Variants in PALM observed in about 807,000 individuals in gnomAD.
The protein encoded by PALM is paralemmin-1.
A neutral mutation model predicts 30.7 loss-of-function variants in PALM; 18 were observed. The ratio of observed to expected loss-of-function variants is 0.59; its 90% CI spans 0.41 to 0.87. The LOEUF (loss-of-function observed/expected upper bound fraction) is 0.87. Ranked by LOEUF, PALM falls within the 40% of genes least tolerant of loss-of-function variation. PALM has a pLI of 0.00. For missense variants in PALM, 529 were observed against 555.4 expected, an observed-to-expected ratio of 0.95 and a Z score of 0.48; for synonymous variants, 286 against 242.8, an observed-to-expected ratio of 1.18 and a Z score of -1.66.
At chr19:744,699 G>C (rs1444448249) in intron 8 of PALM, among the ~76,000 whole-genome samples, 1 of 151,986 alleles carries the variant, frequency 6.6e-6, no homozygotes, top group African/African-American at 2.4e-5. Context: ...TTCAAGACCA[G>C]CCTGGCCAAC....
chr19:726,969 C>A (rs2032685733), intron 2 of PALM, 39 bp from the exon 3 acceptor site: 3 of 1,231,702 alleles, frequency 2.4e-6, no homozygotes, highest in African/African-American at 1.5e-5. Context: ...CTCCGGGACC[C>A]CCACGCCCAT....
rs988354927 is a variant in PALM at position 711,205 on chromosome 19, A to C, written c.5+2054A>C. The C allele has an allele frequency of 2.5e-5, 25 of 984,062 alleles. No homozygotes were observed. The African/African-American group carries it at 4.4e-4, about 17-fold the overall frequency. 61.0% of individuals were successfully genotyped at this position (984,062 alleles called of 1,614,324 possible). Reference sequence around the variant, plus strand: ...CAGGGCCGATGCTGCCAAGGTGAGGAGAACGTCCAGGAAGGAGCTGGGGAG... The same window carrying C: ...CAGGGCCGATGCTGCCAAGGTGAGGCGAACGTCCAGGAAGGAGCTGGGGAG... On this transcript the variant is annotated intron_variant, in intron 1 of 8. Coordinates refer to ENST00000338448, the MANE Select transcript of PALM (RefSeq NM_002579.3).
At position 746,472 on chromosome 19, in the gene PALM, C is replaced by T. The variant is rs748378460; in HGVS notation, c.822C>T (p.Thr274=). The change falls in exon 9 of 9, where the codon ACC becomes ACT. Residue 274 remains threonine, a synonymous_variant. Coordinates refer to ENST00000338448, the MANE Select transcript of PALM (RefSeq NM_002579.3). This position sits in a 1 kb window ranked among gnomAD's most constrained non-coding sequence, Gnocchi z 7.1. ...ARTTPSRREI[T]GVQAQPGEAT... ...CCACGCCCTCCCGGCGGGAGATCAC[C>T]GGTGTGCAGGCACAGCCAGGCGAGG... 3.2e-5 allele frequency: 51 copies of T among 1,610,006 alleles called. No homozygotes were observed. Among genetic ancestry groups the T allele is most frequent in the Middle Eastern group, 1.7e-4 (1 of 6,044 alleles).
intron 1 of PALM, among the ~76,000 whole-genome samples, chr19:724,761 C>G (rs1437953106): frequency 6.6e-6 from 1 of 151,998 alleles, no homozygotes; most frequent in Non-Finnish European, 1.5e-5. Flanking sequence ...GGACTACAGG[C>G]GCACACCACC....
intron 8 of PALM, among the ~76,000 whole-genome samples, chr19:741,719 G>C (rs908384428): frequency 6.6e-6 from 1 of 152,040 alleles, no homozygotes; most frequent in Non-Finnish European, 1.5e-5. Flanking sequence ...CGGTGCTGAG[G>C]TCTAATTTGG....
At chr19:714,228 C>A (rs533180107) in intron 1 of PALM, among the ~76,000 whole-genome samples, 1 of 147,938 alleles carries the variant, frequency 6.8e-6, no homozygotes, top group Non-Finnish European at 1.5e-5. Context: ...TTAGTAGAGA[C>A]AGAGTTTCAC....
intron 4 of PALM, among the ~76,000 whole-genome samples, chr19:730,658 C>T (rs891628321): frequency 2.0e-5 from 3 of 152,142 alleles, no homozygotes; most frequent in African/African-American, 7.2e-5. Context: ...CAGTTTCCCC[C>T]ATCATGAAAG....
At chr19:736,446 C>T (rs2033027024) in intron 7 of PALM, among the ~76,000 whole-genome samples, 2 of 152,178 alleles carry the variant, frequency 1.3e-5, no homozygotes, top group African/African-American at 4.8e-5. Flanking sequence ...TTACCTGCTC[C>T]AGTCCTCGGG....
At chr19:741,564 C>G (rs1351047918) in intron 8 of PALM, among the ~76,000 whole-genome samples, 2 of 148,422 alleles carry the variant, frequency 1.3e-5, no homozygotes, top group Non-Finnish European at 3.0e-5. Context: ...AGACGGGCTG[C>G]AGGGGTGAGG....
At chr19:744,904 G>A (rs2033294890) in intron 8 of PALM, among the ~76,000 whole-genome samples, 1 of 145,792 alleles carries the variant, frequency 6.9e-6, no homozygotes, top group Non-Finnish European at 1.5e-5. Context: ...AAAGCAGCAG[G>A]CACGGTGGCT....
chr19:739,941 C>T (rs994612682), intron 7 of PALM, among the ~76,000 whole-genome samples: 4 of 152,142 alleles, frequency 2.6e-5, no homozygotes, highest in Non-Finnish European at 4.4e-5. Flanking sequence ...CCAGCCGGGG[C>T]GACAGAGCAA....
At chr19:713,858 A>G (rs1471673031) in intron 1 of PALM, among the ~76,000 whole-genome samples, 1 of 150,662 alleles carries the variant, frequency 6.6e-6, no homozygotes. Flanking sequence ...CTGGGATTAC[A>G]AGAATGAGCC....
At chr19:743,197 A>G (rs780571193) in intron 8 of PALM, among the ~76,000 whole-genome samples, 1 of 152,036 alleles carries the variant, frequency 6.6e-6, no homozygotes, top group Non-Finnish European at 1.5e-5. Flanking sequence ...CCAGCTCTGG[A>G]GTGGCTTTGG....
intron 3 of PALM, 42 bp from the exon 4 acceptor site, chr19:727,522 C>T (rs781431566): frequency 9.9e-6 from 15 of 1,518,458 alleles, no homozygotes; most frequent in Non-Finnish European, 1.3e-5. Context: ...AACCCTGGCC[C>T]TGGTCCTGCC....
intron 1 of PALM, among the ~76,000 whole-genome samples, chr19:717,109 T>C (rs1196088031): frequency 1.3e-5 from 2 of 152,182 alleles, no homozygotes; most frequent in Non-Finnish European, 2.9e-5. Flanking sequence ...TTTGTGTTTT[T>C]AGTAGAGACG....
intron 1 of PALM, among the ~76,000 whole-genome samples, chr19:720,250 G>A (rs1305926850): frequency 1.3e-5 from 2 of 151,930 alleles, no homozygotes; most frequent in Non-Finnish European, 2.9e-5. Context: ...GGACGGCGCG[G>A]TTGCCACGGC....
Position 746,280 on chromosome 19 carries a change from T to C in PALM, c.635-5T>C, listed in dbSNP as rs1599172806. 6.2e-7 allele frequency: 1 copy of C among 1,610,990 alleles called. No individual in the cohort carries two copies. Among genetic ancestry groups the C allele is most frequent in the Admixed American group, 1.7e-5 (1 of 59,368 alleles). ...GGGTCATTCTCTCTGTCTCTCCTTG[T>C]ACAGTGGTCCATGCTGTGGACGGCA... is the stretch of plus-strand genomic sequence containing the variant. On this transcript the variant is annotated splice_region_variant and splice_polypyrimidine_tract_variant and intron_variant, in intron 8 of 8. Coordinates refer to ENST00000338448, the MANE Select transcript of PALM (RefSeq NM_002579.3). The surrounding 1 kb of genome is among the most constrained non-coding windows in gnomAD (Gnocchi z 7.1).
rs988191678 is a variant in PALM at position 746,075 on chromosome 19, C to T, written c.635-210C>T. On this transcript the variant is annotated intron_variant, in intron 8 of 8. Coordinates refer to ENST00000338448, the MANE Select transcript of PALM (RefSeq NM_002579.3). This position sits in a 1 kb window ranked among gnomAD's most constrained non-coding sequence, Gnocchi z 7.1. ...TCCGTCTCAAAAAAAATTTTTTTTC[C>T]TCATTGTACGGCATTGGCTGCATCC... 6.6e-6 allele frequency among the ~76,000 whole-genome samples: 1 copy of T among 152,162 alleles called. No individual in the cohort carries two copies. The highest frequency in any genetic ancestry group is 1.5e-5 in the Non-Finnish European group (1 of 68,030).
At chr19:745,326 T>G (rs1024466947) in intron 8 of PALM, among the ~76,000 whole-genome samples, 1 of 152,216 alleles carries the variant, frequency 6.6e-6, no homozygotes, top group Non-Finnish European at 1.5e-5. Flanking sequence ...TGAACTTTCA[T>G]TTTTGCTATC....
Sources: gnomAD v4.1 joint callset for allele counts (sites outside exome capture counted in the v4.1 genomes callset) on GRCh38, gnomAD v4.1.1 for gene constraint, Gnocchi (gnomAD v3.1) non-coding constraint, MANE v1.5 for transcripts, NCBI Gene and HGNC (gene_info 2026-07-23, HGNC 2026-07-21) for gene names.